THSD4: variants seen among roughly 807,000 people sequenced by gnomAD.
THSD4 encodes thrombospondin type-1 domain-containing protein 4.
In THSD4, 69 loss-of-function variants were observed where a neutral mutation model predicts 119.0. That is an observed-to-expected ratio of 0.58 (90% confidence interval 0.48 to 0.71). THSD4 has a LOEUF of 0.71. Ranked by LOEUF, THSD4 falls within the 30% of genes least tolerant of loss-of-function variation. The probability of loss-of-function intolerance (pLI) is 0.00; values close to 1 mark genes in which losing one functional copy is unlikely to be tolerated. For missense variants in THSD4, 1,393 were observed against 1,391.1 expected, an observed-to-expected ratio of 1.00 and a Z score of -0.02; for synonymous variants, 524 against 540.4, an observed-to-expected ratio of 0.97 and a Z score of 0.42.
At chr15:71,216,742 CT>C (rs1402763479) in intron 4 of THSD4, among the ~76,000 whole-genome samples, 14 of 152,234 alleles carry the variant, frequency 9.2e-5, no homozygotes, top group African/African-American at 3.1e-4. Flanking sequence ...AAGCCGAAGG[CT>C]AGATGTACGT....
At chr15:71,581,052 T>C (rs1008653346) in intron 7 of THSD4, among the ~76,000 whole-genome samples, 1 of 152,134 alleles carries the variant, frequency 6.6e-6, no homozygotes, top group Non-Finnish European at 1.5e-5. Flanking sequence ...AAGGTAATGA[T>C]TTCATTTCCT....
intron 6 of THSD4, among the ~76,000 whole-genome samples, chr15:71,287,090 TAAG>T (rs2140320675): frequency 6.6e-6 from 1 of 152,326 alleles, no homozygotes; most frequent in South Asian, 2.1e-4. Flanking sequence ...TATTCCTGTT[TAAG>T]AAGAATGATA....
At position 71,120,812 on chromosome 15, in the gene THSD4, C is replaced by T. The variant is rs112345729; in HGVS notation, c.-80+5114C>T. Reference sequence around the variant, plus strand: ...AGATGTTAACCCTTTAGGCCTTGGCCCTCTGAGCCCCAGTAGGGAAATCAC... The same window carrying T: ...AGATGTTAACCCTTTAGGCCTTGGCTCTCTGAGCCCCAGTAGGGAAATCAC... On this transcript the variant is annotated intron_variant, in intron 1 of 17. Coordinates refer to ENST00000261862, the MANE Select transcript of THSD4 (RefSeq NM_024817.3). Among the ~76,000 whole-genome samples the T allele has an allele frequency of 3.3e-3, 506 of 152,274 alleles. 3 individuals are homozygous for T. The highest frequency in any genetic ancestry group is 0.012 in the African/African-American group (489 of 41,552).
At chr15:71,182,765 A>G (rs1171853463) in intron 3 of THSD4, among the ~76,000 whole-genome samples, 1 of 151,564 alleles carries the variant, frequency 6.6e-6, no homozygotes, top group Non-Finnish European at 1.5e-5. Flanking sequence ...TGATGATGTG[A>G]TCTGATTTTT....
At chr15:71,204,361 G>C (rs151294185) in intron 3 of THSD4, among the ~76,000 whole-genome samples, 9 of 152,216 alleles carry the variant, frequency 5.9e-5, no homozygotes, top group Admixed American at 5.9e-4. Flanking sequence ...ATCCATCCGG[G>C]CCTCCTTTGC....
chr15:71,513,149 T>C (rs961957059), intron 7 of THSD4, among the ~76,000 whole-genome samples: 1 of 152,186 alleles, frequency 6.6e-6, no homozygotes, highest in Admixed American at 6.6e-5. Context: ...TCTAGAGGCT[T>C]TCCAAGATGG....
intron 15 of THSD4, among the ~76,000 whole-genome samples, chr15:71,763,774 G>A (rs1207883363): frequency 1.3e-5 from 2 of 151,902 alleles, no homozygotes; most frequent in Admixed American, 6.6e-5. Flanking sequence ...GTTTTAATTA[G>A]TCGGGCAAGG....
At chr15:71,522,475 G>A (rs34504996) in intron 7 of THSD4, among the ~76,000 whole-genome samples, 23,949 of 151,980 alleles carry the variant, frequency 0.16, 1,990 homozygotes, top group East Asian at 0.24. Flanking sequence ...GGATGAGGGA[G>A]GTCCAGGACA....
At chr15:71,193,537 T>C (rs2043691067) in intron 3 of THSD4, among the ~76,000 whole-genome samples, 1 of 152,100 alleles carries the variant, frequency 6.6e-6, no homozygotes, top group Non-Finnish European at 1.5e-5. Flanking sequence ...AAAGGAAGAA[T>C]GGCCAGGGTT....
chr15:71,642,496 C>T (rs1051576178), intron 7 of THSD4, among the ~76,000 whole-genome samples: 8 of 152,086 alleles, frequency 5.3e-5, no homozygotes, highest in East Asian at 1.9e-4. Flanking sequence ...AAGACACATG[C>T]ACACGTATGT....
chr15:71,162,313 A>G (rs939843516), intron 3 of THSD4, among the ~76,000 whole-genome samples: 1 of 152,056 alleles, frequency 6.6e-6, no homozygotes, highest in Middle Eastern at 3.2e-3. Context: ...AGGCCAGTAT[A>G]GTAGTGATGA....
chr15:71,411,651 A>T, intron 6 of THSD4, 36 bp from the exon 7 acceptor site: 2 of 1,578,248 alleles, frequency 1.3e-6, no homozygotes, highest in Non-Finnish European at 1.7e-6. Context: ...CTTATACCTT[A>T]TCTTTATTTT....
chr15:71,218,858 G>A (rs1213810002), intron 4 of THSD4, among the ~76,000 whole-genome samples: 1 of 152,176 alleles, frequency 6.6e-6, no homozygotes, highest in Non-Finnish European at 1.5e-5. Flanking sequence ...CTTCATTGGA[G>A]TCAGATAACA....
intron 3 of THSD4, among the ~76,000 whole-genome samples, chr15:71,203,061 T>C (rs2043816105): frequency 6.6e-6 from 1 of 152,022 alleles, no homozygotes; most frequent in Non-Finnish European, 1.5e-5. Context: ...CCCTGGAGAA[T>C]GGGAGAGAGC....
intron 6 of THSD4, among the ~76,000 whole-genome samples, chr15:71,257,744 A>G (rs1045103157): frequency 4.6e-5 from 7 of 152,118 alleles, no homozygotes; most frequent in African/African-American, 1.4e-4. Context: ...TGGATGCTAA[A>G]TTGTTTTTAT....
chr15:71,738,467 CA>C (rs1247701141), intron 11 of THSD4, among the ~76,000 whole-genome samples: 1 of 152,136 alleles, frequency 6.6e-6, no homozygotes, highest in Non-Finnish European at 1.5e-5. Context: ...CCCTCAACAC[CA>C]CCCTCAGGTT....
chr15:71,634,750 G>T (rs1183552773), intron 7 of THSD4, among the ~76,000 whole-genome samples: 3 of 152,200 alleles, frequency 2.0e-5, no homozygotes. Flanking sequence ...CTGCTCCACG[G>T]TGGCAGCAAG....
rs1469973181 is a variant in THSD4 at position 71,773,224 on chromosome 15, AAAAAG to A, written c.2914+2026_2914+2030del. 9.9e-5 allele frequency among the ~76,000 whole-genome samples: 15 copies of A among 151,332 alleles called. No individual in the cohort carries two copies. In the East Asian group the frequency reaches 2.1e-3, roughly 21 times the overall value. On this transcript the variant is annotated intron_variant, in intron 17 of 17. Transcript: ENST00000261862. ...TCAAAAAAAAAAAAAAAGAAAAAGA[AAAAAG>A]AAAAGAAAAAAAAGTTATACACATA...
chr15:71,297,498 G>T (rs2044882661), intron 6 of THSD4, among the ~76,000 whole-genome samples: 1 of 151,996 alleles, frequency 6.6e-6, no homozygotes, highest in African/African-American at 2.4e-5. Flanking sequence ...CCCATGCCTG[G>T]CTAATTTTTG....
Sources: gnomAD v4.1 joint callset for allele counts (sites outside exome capture counted in the v4.1 genomes callset) on GRCh38, gnomAD v4.1.1 for gene constraint, MANE v1.5 for transcripts, NCBI Gene and HGNC (gene_info 2026-07-23, HGNC 2026-07-21) for gene names.